Variants in UNC79 observed in about 807,000 individuals in gnomAD.
UNC79 encodes protein unc-79 homolog.
UNC79 carries 37 observed loss-of-function variants against 283.1 expected under a neutral mutation model. The observed-to-expected ratio is 0.13, with a 90% CI of 0.10 to 0.17. The LOEUF (loss-of-function observed/expected upper bound fraction) is 0.17. Ranked by LOEUF, UNC79 falls within the 10% of genes least tolerant of loss-of-function variation. The pLI is 1.00. For synonymous variants in UNC79, 1,107 were observed against 1,200.2 expected, an observed-to-expected ratio of 0.92 and a Z score of 1.61; for missense variants, 2,272 against 3,211.1, an observed-to-expected ratio of 0.71 and a Z score of 7.07.
At chr14:93,628,414 G>A (rs2067735305) in intron 30 of UNC79, among the ~76,000 whole-genome samples, 1 of 152,124 alleles carries the variant, frequency 6.6e-6, no homozygotes, top group African/African-American at 2.4e-5. Flanking sequence ...CCAACACCAG[G>A]TTCTCTGCGA....
intron 8 of UNC79, among the ~76,000 whole-genome samples, chr14:93,524,709 AATC>A (rs933146268): frequency 1.3e-5 from 2 of 152,228 alleles, no homozygotes; most frequent in Non-Finnish European, 2.9e-5. Flanking sequence ...GAAGAAAAAT[AATC>A]ACACCTTTTA....
chr14:93,617,220 A>G lies in UNC79; in HGVS notation c.4140A>G (p.Gln1380=). Residue 1380 remains glutamine (Q), a synonymous_variant, in exon 28 of 49, where the codon CAA becomes CAG. Coordinates refer to ENST00000555664, the Ensembl canonical transcript of UNC79. This position sits in a 1 kb window ranked among gnomAD's most constrained non-coding sequence, Gnocchi z 4.5. ...GTCCTCAACTCCGGCATTATTTCCA[A>G]CAGCCGCCTCGTTGCTCCCTCTGGT... 6.2e-7 allele frequency: 1 copy of G among 1,614,166 alleles called. No homozygotes were observed. The highest frequency in any genetic ancestry group is 8.5e-7 in the Non-Finnish European group (1 of 1,180,028).
At chr14:93,484,575 A>G (rs2058317375) in intron 4 of UNC79, among the ~76,000 whole-genome samples, 1 of 152,208 alleles carries the variant, frequency 6.6e-6, no homozygotes, top group Non-Finnish European at 1.5e-5. Flanking sequence ...AGGATAGGGA[A>G]TAGGACTGAG....
intron 20 of UNC79, among the ~76,000 whole-genome samples, 178 bp downstream of exon 20, chr14:93,582,522 C>T (rs1349325019): frequency 6.6e-6 from 1 of 152,176 alleles, no homozygotes; most frequent in Admixed American, 6.5e-5. Flanking sequence ...TTACAGTTCC[C>T]ATAGAACCCA....
At chr14:93,603,475 ACTTGT>A in intron 26 of UNC79, 57 bp downstream of exon 26, 2 of 1,568,962 alleles carry the variant, frequency 1.3e-6, no homozygotes, top group Non-Finnish European at 1.7e-6. Flanking sequence ...TCTGAGGCTG[ACTTGT>A]CTTGTTGAAT....
chr14:93,622,459 G>A, exon 30 of UNC79: 1 of 1,614,100 alleles, frequency 6.2e-7, no homozygotes, highest in South Asian at 1.1e-5. Context: ...GCCCACTGAC[G>A]CTGAAGCAAA....
chr14:93,431,282 G>A (rs2140092612), intron 1 of UNC79, among the ~76,000 whole-genome samples: 2 of 152,088 alleles, frequency 1.3e-5, no homozygotes, highest in South Asian at 4.2e-4. Context: ...GGGCTCCAGC[G>A]GGGGTTTCTC....
chr14:93,446,264 G>A (rs1298994824), intron 1 of UNC79, among the ~76,000 whole-genome samples: 2 of 152,114 alleles, frequency 1.3e-5, no homozygotes, highest in African/African-American at 4.8e-5. Flanking sequence ...TGAAAGCCGT[G>A]CATTGCTTCA....
At chr14:93,541,927 C>T (rs1270617247) in intron 13 of UNC79, among the ~76,000 whole-genome samples, 2 of 149,112 alleles carry the variant, frequency 1.3e-5, no homozygotes, top group Non-Finnish European at 3.0e-5. Context: ...ATGGCGTGAA[C>T]CCGGGAGGCG....
At chr14:93,615,572 A>G (rs764977561) in intron 27 of UNC79, among the ~76,000 whole-genome samples, 20 of 151,824 alleles carry the variant, frequency 1.3e-4, no homozygotes, top group Non-Finnish European at 1.5e-5. Flanking sequence ...AAATACAAAA[A>G]TTAGCTGGGT....
chr14:93,394,406 A>C (rs965404446), intron 1 of UNC79, among the ~76,000 whole-genome samples: 2 of 140,230 alleles, frequency 1.4e-5, no homozygotes, highest in Non-Finnish European at 3.1e-5. Flanking sequence ...ATTTTATTTT[A>C]TTTTATCTTA....
rs137879872 is a variant in UNC79 at position 93,378,021 on chromosome 14, T to G, written c.-351+44498T>G. ...TAATCAGGTATCCAGACTTAACACTTGTTTTAGAAATCACTAAAAATAAGC... is the reference window on the plus strand; with the variant it reads ...TAATCAGGTATCCAGACTTAACACTGGTTTTAGAAATCACTAAAAATAAGC... On this transcript the variant is annotated intron_variant, in intron 1 of 49. Coordinates refer to the UNC79 transcript ENST00000256339. Among the ~76,000 whole-genome samples, 366 of 152,312 alleles carry G rather than the reference T, an allele frequency of 2.4e-3. 1 individual carries two copies. The highest frequency in any genetic ancestry group is 3.4e-3 in the Non-Finnish European group (232 of 68,034).
At chr14:93,534,327 T>C (rs1051060068) in intron 11 of UNC79, among the ~76,000 whole-genome samples, 1 of 152,238 alleles carries the variant, frequency 6.6e-6, no homozygotes, top group Non-Finnish European at 1.5e-5. Context: ...AGTAACTTTC[T>C]CAATCTGCTT....
At chr14:93,350,219 T>C (rs1157810710) in intron 1 of UNC79, among the ~76,000 whole-genome samples, 1 of 152,042 alleles carries the variant, frequency 6.6e-6, no homozygotes, top group African/African-American at 2.4e-5. Flanking sequence ...CTTATATAAT[T>C]CTAAAAGTTG....
chr14:93,449,315 C>G (rs778328368), intron 1 of UNC79, among the ~76,000 whole-genome samples: 2 of 152,222 alleles, frequency 1.3e-5, no homozygotes, highest in African/African-American at 2.4e-5. Context: ...AAACTCTAGT[C>G]TCTGGTTTTT....
intron 23 of UNC79, among the ~76,000 whole-genome samples, chr14:93,594,196 C>T (rs374016294): frequency 1.3e-5 from 2 of 152,264 alleles, no homozygotes; most frequent in East Asian, 1.9e-4. Flanking sequence ...TTAAAATGCA[C>T]ATTATCTGGC....
At chr14:93,526,376 C>T (rs987889443) in intron 8 of UNC79, among the ~76,000 whole-genome samples, 14 of 152,122 alleles carry the variant, frequency 9.2e-5, no homozygotes, top group African/African-American at 3.1e-4. Context: ...TAAAGTTATG[C>T]AATTTTATAG....
intron 1 of UNC79, among the ~76,000 whole-genome samples, chr14:93,385,108 A>T (rs1467764508): frequency 6.6e-6 from 1 of 152,156 alleles, no homozygotes; most frequent in African/African-American, 2.4e-5. Flanking sequence ...AAGTCAGGTA[A>T]TGTGATTCCT....
At position 93,595,922 on chromosome 14, in the gene UNC79, A is replaced by G. The variant is rs1047140022; in HGVS notation, c.3191-1437A>G. On this transcript the variant is annotated intron_variant, in intron 23 of 48. Transcript: ENST00000555664. ...AAGATAGTTTCTTAGTGGTATACAT[A>G]TGTGTGCTTAATATATATATATTTT... Among the ~76,000 whole-genome samples the G allele has an allele frequency of 5.3e-5, 8 of 152,256 alleles. No individual in the cohort carries two copies. The East Asian group carries it at 5.8e-4, about 11-fold the overall frequency.
Sources: gnomAD v4.1 joint callset for allele counts (sites outside exome capture counted in the v4.1 genomes callset) on GRCh38, gnomAD v4.1.1 for gene constraint, Gnocchi (gnomAD v3.1) non-coding constraint, MANE v1.5 for transcripts, NCBI Gene and HGNC (gene_info 2026-07-23, HGNC 2026-07-21) for gene names.